The following MUCL1 variants were observed in gnomAD, a reference collection of about 807,000 sequenced individuals.
MUCL1 encodes mucin like 1.
In MUCL1, 11 loss-of-function variants were observed where a neutral mutation model predicts 9.2. The ratio of observed to expected loss-of-function variants is 1.19; its 90% CI spans 0.75 to 1.97. The LOEUF (loss-of-function observed/expected upper bound fraction) is 1.97, where lower values mean the gene tolerates loss of function less well. Among genes scored for constraint, MUCL1 ranks in the 30% most tolerant of loss-of-function variants. The pLI, the probability that MUCL1 is intolerant of heterozygous loss-of-function variation, is 0.00. For synonymous variants in MUCL1, 48 were observed against 40.5 expected (o/e 1.19, Z -0.71); for missense variants, 144 against 110.9 (o/e 1.30, Z -1.34).
intron 1 of MUCL1, among the ~76,000 whole-genome samples, chr12:54,841,955 A>G (rs1189613750): frequency 2.0e-5 from 3 of 152,140 alleles, no homozygotes; most frequent in African/African-American, 7.2e-5. Flanking sequence ...TAATAATTCT[A>G]TACAAGTATT....
chr12:54,857,169 CA>C (rs1459926372), intron 3 of MUCL1, among the ~76,000 whole-genome samples: 2 of 150,172 alleles, frequency 1.3e-5, no homozygotes, highest in African/African-American at 4.9e-5. Flanking sequence ...TTGGAAAGAC[CA>C]AAATAAGTGT....
upstream of MUCL1, among the ~76,000 whole-genome samples, chr12:54,836,883 T>C (rs1412320437): frequency 6.6e-6 from 1 of 152,198 alleles, no homozygotes; most frequent in African/African-American, 2.4e-5. Flanking sequence ...CATGTATTTG[T>C]ATAGTTTTGA....
At chr12:54,854,976 A>G in intron 1 of MUCL1, 140 bp from the exon 2 acceptor site, 1 of 709,664 alleles carries the variant, frequency 1.4e-6, no homozygotes. Context: ...TTATCTGTGC[A>G]CTTGTTCTTC....
chr12:54,837,033 G>A (rs544179454), upstream of MUCL1, among the ~76,000 whole-genome samples: 1 of 152,248 alleles, frequency 6.6e-6, no homozygotes, highest in South Asian at 2.1e-4. Context: ...TTCATGCACT[G>A]AGGAGAAGAA....
At chr12:54,839,595 T>G in intron 1 of MUCL1, 1 of 678,808 alleles carries the variant, frequency 1.5e-6, no homozygotes, top group Non-Finnish European at 2.7e-6. Flanking sequence ...GGAAAATGAT[T>G]TGCCTCCCAG....
intron 1 of MUCL1, among the ~76,000 whole-genome samples, chr12:54,845,885 T>C (rs1959246824): frequency 6.6e-6 from 1 of 152,204 alleles, no homozygotes; most frequent in South Asian, 2.1e-4. Context: ...TCTGATGTTA[T>C]TTTTGATCCA....
chr12:54,838,396 A>C (rs1169185494), upstream of MUCL1, among the ~76,000 whole-genome samples: 1 of 152,124 alleles, frequency 6.6e-6, no homozygotes, highest in Non-Finnish European at 1.5e-5. Flanking sequence ...TGGCCTGATG[A>C]CTATATGTCT....
At chr12:54,853,198 TGAA>T (rs1278138996), upstream of MUCL1, among the ~76,000 whole-genome samples, 30 of 152,324 alleles carry the variant, frequency 2.0e-4, no homozygotes, top group Admixed American at 7.2e-4. Context: ...ATACTTTGTA[TGAA>T]GAAGAAGAAC....
At chr12:54,831,216 G>T (rs61424648) in intron 1 of MUCL1, among the ~76,000 whole-genome samples, 1,744 of 152,106 alleles carry the variant, frequency 0.011, 37 homozygotes, top group African/African-American at 0.039. Context: ...CTCCCAAATG[G>T]TATTATCAAA....
At chr12:54,852,317 C>T (rs1470426863), upstream of MUCL1, among the ~76,000 whole-genome samples, 1 of 152,066 alleles carries the variant, frequency 6.6e-6, no homozygotes, top group Non-Finnish European at 1.5e-5. Context: ...AGTTATAGAC[C>T]AATGGAACAG....
At chr12:54,836,603 A>G (rs965547922), upstream of MUCL1, among the ~76,000 whole-genome samples, 1 of 151,236 alleles carries the variant, frequency 6.6e-6, no homozygotes, top group Admixed American at 6.6e-5. Context: ...GATCTTTATT[A>G]TTTCTTTTCT....
At chr12:54,855,700 G>A (rs1419927616) in intron 2 of MUCL1, among the ~76,000 whole-genome samples, 2 of 152,210 alleles carry the variant, frequency 1.3e-5, no homozygotes, top group African/African-American at 4.8e-5. Flanking sequence ...GAAGGTGGTA[G>A]ACCAAAGCCT....
chr12:54,838,070 C>A (rs1959196177), upstream of MUCL1, among the ~76,000 whole-genome samples: 1 of 152,092 alleles, frequency 6.6e-6, no homozygotes, highest in Admixed American at 6.5e-5. Context: ...GGTGCATATC[C>A]ATCTTTTGTT....
At chr12:54,838,406 T>C (rs1959196917), upstream of MUCL1, among the ~76,000 whole-genome samples, 1 of 152,204 alleles carries the variant, frequency 6.6e-6, no homozygotes, top group South Asian at 2.1e-4. Context: ...ACTATATGTC[T>C]TGGTAATGTC....
chr12:54,836,603 A>T (rs965547922), upstream of MUCL1, among the ~76,000 whole-genome samples: 1 of 151,236 alleles, frequency 6.6e-6, no homozygotes, highest in Non-Finnish European at 1.5e-5. Context: ...GATCTTTATT[A>T]TTTCTTTTCT....
upstream of MUCL1, among the ~76,000 whole-genome samples, chr12:54,853,177 C>T (rs964588422): frequency 6.6e-6 from 1 of 152,098 alleles, no homozygotes; most frequent in Non-Finnish European, 1.5e-5. Context: ...GAGGGTATGA[C>T]CCAAAAAGGC....
intron 1 of MUCL1, among the ~76,000 whole-genome samples, chr12:54,845,852 G>A (rs1249533944): frequency 6.6e-6 from 1 of 152,110 alleles, no homozygotes; most frequent in Non-Finnish European, 1.5e-5. Context: ...GGTGCAATGT[G>A]TTCTTTCTCC....
At chr12:54,832,235 C>A (rs1959186328) in intron 1 of MUCL1, among the ~76,000 whole-genome samples, 1 of 151,982 alleles carries the variant, frequency 6.6e-6, no homozygotes, top group Admixed American at 6.6e-5. Flanking sequence ...AAAATATGAG[C>A]CTTAACATCA....
At chr12:54,845,002 TG>T (rs5798325) in intron 1 of MUCL1, among the ~76,000 whole-genome samples, 66,566 of 151,974 alleles carry the variant, frequency 0.44, 15,469 homozygotes, top group East Asian at 0.83. Context: ...GAGGCACACT[TG>T]GGGACTAATT....
Sources: allele counts gnomAD v4.1 joint callset (sites outside exome capture counted in the v4.1 genomes callset), GRCh38; gene constraint gnomAD v4.1.1; transcripts MANE v1.5; gene names NCBI Gene and HGNC (gene_info 2026-07-23, HGNC 2026-07-21).